ASTN2: variants seen among roughly 807,000 people sequenced by gnomAD.
ASTN2 encodes the protein astrotactin-2.
ASTN2 carries 54 observed loss-of-function variants against 139.8 expected under a neutral mutation model. The observed-to-expected ratio is 0.39, with a 90% CI of 0.31 to 0.48. The LOEUF is 0.48. ASTN2 is among the 20% of genes least tolerant of loss of function. The pLI, the probability that ASTN2 is intolerant of heterozygous loss-of-function variation, is 0.95. For missense variants in ASTN2, 1,565 were observed against 1,725.1 expected (o/e 0.91, Z 1.64); for synonymous variants, 756 against 719.5 (o/e 1.05, Z -0.81).
intron 7 of ASTN2, among the ~76,000 whole-genome samples, chr9:117,003,186 A>G (rs12000143): frequency 0.068 from 10,317 of 152,216 alleles, 1,039 homozygotes; most frequent in African/African-American, 0.22. Context: ...AATTAAACTA[A>G]CAAATTTGGC....
At chr9:116,452,014 AG>A (rs1219446906) in intron 20 of ASTN2, among the ~76,000 whole-genome samples, 1 of 151,844 alleles carries the variant, frequency 6.6e-6, no homozygotes, top group Non-Finnish European at 1.5e-5. Context: ...CTCTTTATTC[AG>A]GGTGTGGACT....
At chr9:117,381,449 T>C (rs1005577765) in intron 1 of ASTN2, among the ~76,000 whole-genome samples, 3 of 152,172 alleles carry the variant, frequency 2.0e-5, no homozygotes, top group Non-Finnish European at 2.9e-5. Flanking sequence ...GGATTTCTCA[T>C]GAATGGTTTA....
At chr9:117,380,430 C>A (rs947945193) in intron 1 of ASTN2, among the ~76,000 whole-genome samples, 2 of 151,894 alleles carry the variant, frequency 1.3e-5, no homozygotes, top group South Asian at 2.1e-4. Flanking sequence ...CATGGTGAAA[C>A]CCTGTCTCTA....
chr9:116,611,303 A>G (rs1855528520), intron 19 of ASTN2: 1 of 152,188 alleles, frequency 6.6e-6, no homozygotes, highest in Non-Finnish European at 1.5e-5. Flanking sequence ...GGGAATGACT[A>G]CATTACAAGA....
At chr9:116,494,918 A>C (rs1461215570) in intron 19 of ASTN2, among the ~76,000 whole-genome samples, 3 of 152,194 alleles carry the variant, frequency 2.0e-5, no homozygotes, top group Non-Finnish European at 2.9e-5. Context: ...ACTGGTGTCC[A>C]GCATAGGGCT....
intron 16 of ASTN2, among the ~76,000 whole-genome samples, chr9:116,716,624 C>T (rs1828320944): frequency 6.6e-6 from 1 of 152,284 alleles, no homozygotes; most frequent in African/African-American, 2.4e-5. Flanking sequence ...TTCCACTGAG[C>T]AGAGTCCTGG....
intron 2 of ASTN2, among the ~76,000 whole-genome samples, chr9:117,246,488 C>T (rs1355292007): frequency 6.6e-6 from 1 of 152,172 alleles, no homozygotes; most frequent in Non-Finnish European, 1.5e-5. Context: ...ATCTCCACTG[C>T]AGAGCTCATA....
intron 5 of ASTN2, among the ~76,000 whole-genome samples, chr9:117,059,388 C>A (rs529986667): frequency 6.6e-6 from 1 of 151,920 alleles, no homozygotes; most frequent in Non-Finnish European, 1.5e-5. Context: ...CCAAGGTGGG[C>A]GAATCACGAG....
intron 3 of ASTN2, among the ~76,000 whole-genome samples, chr9:117,213,052 A>C (rs1832191826): frequency 6.6e-6 from 1 of 152,240 alleles, no homozygotes; most frequent in Non-Finnish European, 1.5e-5. Context: ...ACAACAGATG[A>C]CTAGATAAAG....
intron 5 of ASTN2, among the ~76,000 whole-genome samples, chr9:117,046,111 C>T (rs1448973078): frequency 6.6e-6 from 1 of 152,110 alleles, no homozygotes; most frequent in Non-Finnish European, 1.5e-5. Context: ...AGCAATTCTC[C>T]TGTCTCAGCC....
chr9:117,243,381 C>T (rs1041621227), intron 2 of ASTN2, among the ~76,000 whole-genome samples: 2 of 152,182 alleles, frequency 1.3e-5, no homozygotes, highest in Admixed American at 1.3e-4. Flanking sequence ...CCTGAGGCCA[C>T]CCAGCAATTA....
At chr9:117,102,666 G>C (rs1354116614) in intron 4 of ASTN2, among the ~76,000 whole-genome samples, 3 of 152,064 alleles carry the variant, frequency 2.0e-5, no homozygotes, top group African/African-American at 7.2e-5. Context: ...GGGATTACAG[G>C]TGTGCATCAC....
chr9:116,815,269 C>T (rs1831277992), intron 12 of ASTN2, among the ~76,000 whole-genome samples: 1 of 152,148 alleles, frequency 6.6e-6, no homozygotes, highest in Non-Finnish European at 1.5e-5. Flanking sequence ...ATGTTTATCT[C>T]CTTTCCCTCT....
rs1040284247 is a variant in ASTN2, at chr9:116,569,753, C to T, written c.3355+48571G>A. On this transcript the variant is annotated intron_variant, in intron 19 of 22. Transcript: ENST00000313400. The stretch of plus-strand genomic sequence containing the variant: ...GATGATGGAGCCGAGAGCTGAACCG[C>T]CCAAGGACAGAGGGCCTCAGCAGGA... Among the ~76,000 whole-genome samples, 18 of 152,142 alleles carry T rather than the reference C, an allele frequency of 1.2e-4. 1 individual carries two copies. Among genetic ancestry groups the T allele is most frequent in the Admixed American group, 7.9e-4 (12 of 15,274 alleles).
In ASTN2 at chr9:116,847,598, G is replaced by A. The variant is rs139093423; in HGVS notation, c.2040+15985C>T. Reference sequence around the variant, plus strand: ...CTTAATGGCACTTATCATGTGCCAGGCACTGTTTCGATGTGTTTTGAATAT... The same window carrying A: ...CTTAATGGCACTTATCATGTGCCAGACACTGTTTCGATGTGTTTTGAATAT... On this transcript the variant is annotated intron_variant, in intron 11 of 22. Transcript: ENST00000313400. Among the ~76,000 whole-genome samples the A allele has an allele frequency of 2.8e-3, 420 of 152,272 alleles. 5 individuals carry two copies. The highest frequency in any genetic ancestry group is 9.6e-3 in the African/African-American group (397 of 41,550).
intron 19 of ASTN2, chr9:116,545,700 T>A (rs1227833248): frequency 6.6e-6 from 1 of 152,172 alleles, no homozygotes; most frequent in East Asian, 1.9e-4. Flanking sequence ...AGAAAATTCA[T>A]ATTTTTTTCA....
intron 13 of ASTN2, among the ~76,000 whole-genome samples, chr9:116,735,478 T>C (rs1828903306): frequency 3.9e-5 from 6 of 152,208 alleles, no homozygotes; most frequent in Admixed American, 3.3e-4. Flanking sequence ...GATGGAGGGG[T>C]AGTCCATGCC....
chr9:116,768,003 A>G (rs1829854273), intron 13 of ASTN2, among the ~76,000 whole-genome samples: 1 of 152,190 alleles, frequency 6.6e-6, no homozygotes. Context: ...AACTCTATGC[A>G]TTGAAGATGA....
At chr9:116,494,873 T>C (rs1390026301) in intron 19 of ASTN2, among the ~76,000 whole-genome samples, 1 of 152,160 alleles carries the variant, frequency 6.6e-6, no homozygotes, top group Admixed American at 6.5e-5. Flanking sequence ...GCGAGATGCC[T>C]GGGGTGGGAA....
Sources: allele counts gnomAD v4.1 joint callset (sites outside exome capture counted in the v4.1 genomes callset), GRCh38; gene constraint gnomAD v4.1.1; transcripts MANE v1.5; gene names NCBI Gene and HGNC (gene_info 2026-07-23, HGNC 2026-07-21).